EPB41L2: variants seen among roughly 807,000 people sequenced by gnomAD.
The protein encoded by EPB41L2 is erythrocyte membrane protein band 4.1 like 2, also known as band 4.1-like protein 2.
A neutral mutation model predicts 113.0 loss-of-function variants in EPB41L2; 43 were observed. That is an observed-to-expected ratio of 0.38 (90% CI 0.30 to 0.49). The LOEUF (loss-of-function observed/expected upper bound fraction) is 0.49. Ranked by LOEUF, EPB41L2 falls within the 20% of genes least tolerant of loss-of-function variation. EPB41L2 has a pLI of 0.95. For synonymous variants in EPB41L2, 442 were observed against 436.7 expected (o/e 1.01, Z -0.15); for missense variants, 1,147 against 1,223.4 (o/e 0.94, Z 0.93).
In EPB41L2 at chr6:131,023,455, C is replaced by T. The variant is rs565296930; in HGVS notation, c.-15+39700G>A. Among the ~76,000 whole-genome samples, 481 of 152,098 alleles carry T rather than the reference C, an allele frequency of 3.2e-3. 4 individuals are homozygous for T. The highest frequency in any genetic ancestry group is 6.8e-3 in the Middle Eastern group (2 of 294). On this transcript the variant is annotated intron_variant, in intron 1 of 19. Coordinates refer to ENST00000337057, the MANE Select transcript of EPB41L2 (RefSeq NM_001431.4). ...ATCCCAGCACTTTGGGAGGCCGAGG[C>T]GGGTGGATCACAAGGTCAGAAGTTC...
chr6:130,867,835 C>T (rs1784302083), intron 15 of EPB41L2: 2 of 409,910 alleles, frequency 4.9e-6, no homozygotes, highest in African/African-American at 4.1e-5. Context: ...TGTGTACATA[C>T]ACATATATGA....
intron 1 of EPB41L2, among the ~76,000 whole-genome samples, chr6:130,994,025 G>A (rs749450191): frequency 1.3e-5 from 2 of 152,126 alleles, no homozygotes; most frequent in African/African-American, 4.8e-5. Flanking sequence ...TGGGAGAAAC[G>A]TCATGAAGTT....
intron 1 of EPB41L2, among the ~76,000 whole-genome samples, chr6:130,974,655 T>G (rs1226017926): frequency 6.6e-6 from 1 of 151,904 alleles, no homozygotes; most frequent in Non-Finnish European, 1.5e-5. Context: ...TCACATCAAT[T>G]TGGTCTGCCC....
chr6:130,913,312 G>A (rs1799977746), intron 4 of EPB41L2, among the ~76,000 whole-genome samples: 1 of 152,168 alleles, frequency 6.6e-6, no homozygotes, highest in Non-Finnish European at 1.5e-5. Context: ...ACCATCCAAA[G>A]ACTAAGTGGG....
chr6:130,899,473 C>T lies in EPB41L2; in HGVS notation c.1236+18G>A. On this transcript the variant is annotated intron_variant, in intron 8 of 19. Coordinates refer to ENST00000337057, the MANE Select transcript of EPB41L2 (RefSeq NM_001431.4). ...CAACAGACTACTATGATGCTACTCC[C>T]CGTTACATTTACAGTACCTTGGCAT... 4.4e-6 allele frequency: 7 copies of T among 1,604,398 alleles called. No homozygotes were observed. Among genetic ancestry groups the T allele is most frequent in the Non-Finnish European group, 6.0e-6 (7 of 1,171,364 alleles).
intron 1 of EPB41L2, among the ~76,000 whole-genome samples, chr6:131,037,567 A>G (rs1793583509): frequency 6.7e-6 from 1 of 149,852 alleles, no homozygotes; most frequent in Non-Finnish European, 1.5e-5. Context: ...ATTCATCTTT[A>G]TACTTTGAAA....
intron 3 of EPB41L2, among the ~76,000 whole-genome samples, chr6:130,930,873 G>A (rs1277527138): frequency 6.6e-6 from 1 of 152,048 alleles, no homozygotes; most frequent in Non-Finnish European, 1.5e-5. Flanking sequence ...TAAGGAAAAA[G>A]TGAATATGAA....
At chr6:130,985,866 G>A (rs1248790970) in intron 1 of EPB41L2, among the ~76,000 whole-genome samples, 1 of 152,042 alleles carries the variant, frequency 6.6e-6, no homozygotes, top group African/African-American at 2.4e-5. Flanking sequence ...ACCCATTATA[G>A]GTGTACAATT....
At chr6:130,866,420 C>T (rs1783763805) in intron 16 of EPB41L2, among the ~76,000 whole-genome samples, 1 of 152,160 alleles carries the variant, frequency 6.6e-6, no homozygotes, top group Non-Finnish European at 1.5e-5. Context: ...CGGTCCAGAG[C>T]CTTTCTGACT....
At chr6:130,994,575 G>A (rs765924312) in intron 1 of EPB41L2, among the ~76,000 whole-genome samples, 15 of 152,186 alleles carry the variant, frequency 9.9e-5, no homozygotes, top group African/African-American at 1.7e-4. Flanking sequence ...TGCCCCAGGC[G>A]ACAAAAGGAC....
intron 1 of EPB41L2, among the ~76,000 whole-genome samples, chr6:131,002,545 C>T (rs1215411142): frequency 6.6e-6 from 1 of 152,172 alleles, no homozygotes. Flanking sequence ...CGAATTCCTA[C>T]AGGAATTCAG....
At chr6:130,847,714 G>T (rs2128402673) in intron 19 of EPB41L2, among the ~76,000 whole-genome samples, 1 of 152,182 alleles carries the variant, frequency 6.6e-6, no homozygotes, top group East Asian at 1.9e-4. Context: ...TAAAAAACTG[G>T]TTTCCTCAAA....
intron 11 of EPB41L2, among the ~76,000 whole-genome samples, chr6:130,887,628 C>T (rs772753821): frequency 6.6e-6 from 1 of 152,204 alleles, no homozygotes; most frequent in Non-Finnish European, 1.5e-5. Flanking sequence ...CTCTCCCTCA[C>T]CTTATAGCTT....
At chr6:130,962,747 T>C (rs934635307) in intron 1 of EPB41L2, among the ~76,000 whole-genome samples, 1 of 152,186 alleles carries the variant, frequency 6.6e-6, no homozygotes, top group Non-Finnish European at 1.5e-5. Context: ...TCTTCCACTC[T>C]TTCTCCTTTT....
chr6:131,015,534 TGG>T (rs967681301), intron 1 of EPB41L2, among the ~76,000 whole-genome samples: 1 of 152,330 alleles, frequency 6.6e-6, no homozygotes, highest in African/African-American at 2.4e-5. Flanking sequence ...AACTTCAGCC[TGG>T]GGAAGATTTA....
intron 1 of EPB41L2, among the ~76,000 whole-genome samples, chr6:130,968,670 G>A (rs1051336570): frequency 4.0e-5 from 6 of 151,850 alleles, no homozygotes; most frequent in Non-Finnish European, 8.8e-5. Context: ...ACTTTCCCTC[G>A]GCGGGAAAAG....
chr6:130,961,488 C>CT (rs1773516652), intron 1 of EPB41L2, among the ~76,000 whole-genome samples: 1 of 152,148 alleles, frequency 6.6e-6, no homozygotes, highest in Non-Finnish European at 1.5e-5. Context: ...AATGTGCTAT[C>CT]TCTATCACTA....
chr6:130,851,070 G>A (rs961605817), intron 19 of EPB41L2, among the ~76,000 whole-genome samples: 1 of 152,178 alleles, frequency 6.6e-6, no homozygotes, highest in Non-Finnish European at 1.5e-5. Context: ...CTAATTTTAG[G>A]TATGAGACTA....
chr6:131,047,868 G>A (rs937295658), intron 1 of EPB41L2, among the ~76,000 whole-genome samples: 5 of 152,236 alleles, frequency 3.3e-5, no homozygotes, highest in African/African-American at 7.2e-5. Flanking sequence ...TCGGCTGGGC[G>A]CGGTGGCTCA....
Sources: allele counts gnomAD v4.1 joint callset (sites outside exome capture counted in the v4.1 genomes callset), GRCh38; gene constraint gnomAD v4.1.1; transcripts MANE v1.5; gene names NCBI Gene and HGNC (gene_info 2026-07-23, HGNC 2026-07-21).